Variants in FHIP1A observed in about 807,000 individuals in gnomAD.
The protein encoded by FHIP1A is FHF complex subunit HOOK-interacting protein 1A.
A neutral mutation model predicts 88.6 loss-of-function variants in FHIP1A; 61 were observed. The ratio of observed to expected loss-of-function variants is 0.69; its 90% confidence interval spans 0.56 to 0.85. The LOEUF (loss-of-function observed/expected upper bound fraction) is 0.85. FHIP1A is among the 40% of genes least tolerant of loss of function. The pLI, the probability that FHIP1A is intolerant of heterozygous loss-of-function variation, is 0.00. For synonymous variants in FHIP1A, 478 were observed against 496.0 expected (o/e 0.96, Z 0.48); for missense variants, 1,154 against 1,273.5 (o/e 0.91, Z 1.43).
chr4:151,669,319 A>T lies in FHIP1A; in HGVS notation c.*6565A>T, dbSNP rs1459156631. ...CCTGGACAAATCAAGTGCTTTAACA[A>T]GGGCATCTTCCTCTGGGAATAATCA... is the stretch of plus-strand genomic sequence containing the variant. On this transcript the variant is annotated 3_prime_UTR_variant, in exon 14 of 14. Coordinates refer to ENST00000435205, the MANE Select transcript of FHIP1A (RefSeq NM_001109977.3). 6.6e-6 allele frequency among the ~76,000 whole-genome samples: 1 copy of T among 152,244 alleles called. No individual in the cohort carries two copies. Among genetic ancestry groups the T allele is most frequent in the African/African-American group, 2.4e-5 (1 of 41,464 alleles).
chr4:151,512,349 G>A lies in FHIP1A; in HGVS notation c.-123+29701G>A, dbSNP rs557527401. Among the ~76,000 whole-genome samples the A allele has an allele frequency of 5.9e-4, 89 of 152,132 alleles. 1 individual carries two copies. The South Asian group carries it at 0.016, about 28-fold the overall frequency. On this transcript the variant is annotated intron_variant, in intron 3 of 13. Coordinates refer to ENST00000435205, the MANE Select transcript of FHIP1A (RefSeq NM_001109977.3). ...CACAAAGATGGGGAAAAAACAGAGC[G>A]GAAAAAACAGAGCAGAAAAAGTGGA...
intron 13 of FHIP1A, 130 bp from the exon 14 acceptor site, chr4:151,662,371 G>T: frequency 1.1e-6 from 1 of 951,138 alleles, no homozygotes. Flanking sequence ...TCAGGATTTA[G>T]TCCGTTATAG....
At chr4:151,488,279 G>A (rs1055185141) in intron 3 of FHIP1A, among the ~76,000 whole-genome samples, 3 of 152,150 alleles carry the variant, frequency 2.0e-5, no homozygotes, top group Non-Finnish European at 4.4e-5. Context: ...CACCTAGGTA[G>A]TGAGCATAGT....
At chr4:151,481,487 A>C (rs529573512) in intron 2 of FHIP1A, among the ~76,000 whole-genome samples, 1 of 151,958 alleles carries the variant, frequency 6.6e-6, no homozygotes, top group Non-Finnish European at 1.5e-5. Flanking sequence ...TTGGCATTTA[A>C]ATCGTTTCCA....
intron 3 of FHIP1A, among the ~76,000 whole-genome samples, chr4:151,487,852 T>G (rs1052347079): frequency 2.0e-5 from 3 of 152,266 alleles, no homozygotes; most frequent in Non-Finnish European, 4.4e-5. Context: ...TGTCTGGTTC[T>G]AGAGCATGTA....
intron 3 of FHIP1A, among the ~76,000 whole-genome samples, chr4:151,500,438 C>CA (rs34481805): frequency 0.16 from 16,934 of 106,488 alleles, 1,293 homozygotes; most frequent in African/African-American, 0.24. Context: ...CAGCCATTCT[C>CA]AAAAAAAAAA....
At chr4:151,604,586 C>G (rs1232240133) in intron 7 of FHIP1A, among the ~76,000 whole-genome samples, 1 of 152,124 alleles carries the variant, frequency 6.6e-6, no homozygotes, top group African/African-American at 2.4e-5. Context: ...TGGTGGCTCA[C>G]GCCTGTAATC....
At chr4:151,644,016 A>G (rs932570088) in intron 9 of FHIP1A, among the ~76,000 whole-genome samples, 3 of 152,266 alleles carry the variant, frequency 2.0e-5, no homozygotes, top group Admixed American at 6.5e-5. Context: ...AAGAATAAAA[A>G]TCTATGAATA....
At chr4:151,517,698 G>C (rs11726254) in intron 3 of FHIP1A, among the ~76,000 whole-genome samples, 78,924 of 151,870 alleles carry the variant, frequency 0.52, 20,816 homozygotes, top group African/African-American at 0.55. Flanking sequence ...CTGAAAAATT[G>C]CTACCTTCTA....
chr4:151,434,242 G>C (rs1733717075), intron 1 of FHIP1A, among the ~76,000 whole-genome samples: 1 of 152,010 alleles, frequency 6.6e-6, no homozygotes, highest in African/African-American at 2.4e-5. Flanking sequence ...GTAAGTCCTA[G>C]TTTTCTTTTT....
intron 7 of FHIP1A, among the ~76,000 whole-genome samples, chr4:151,603,825 G>A (rs138774220): frequency 1.6e-3 from 236 of 152,238 alleles, no homozygotes; most frequent in Admixed American, 9.0e-3. Flanking sequence ...TCTTGAGTCT[G>A]TTTTTTTGTT....
At chr4:151,448,086 ATT>A (rs1188588074) in intron 1 of FHIP1A, among the ~76,000 whole-genome samples, 1 of 143,852 alleles carries the variant, frequency 7.0e-6, no homozygotes. Context: ...TTTTTTTGGT[ATT>A]TTTTTTTTTT....
At chr4:151,460,501 T>A (rs1228093988) in intron 2 of FHIP1A, among the ~76,000 whole-genome samples, 1 of 152,190 alleles carries the variant, frequency 6.6e-6, no homozygotes, top group Admixed American at 6.5e-5. Flanking sequence ...CTTAATATTT[T>A]AAGTTTCATA....
chr4:151,662,904 C>T lies in FHIP1A; in HGVS notation c.*150C>T. 1 of 734,768 alleles carries T rather than the reference C, an allele frequency of 1.4e-6. No homozygotes were observed. The highest frequency in any genetic ancestry group is 2.1e-6 in the Non-Finnish European group (1 of 485,052). The allele number at this position is 734,768 out of a possible 1,614,324, so 45.5% of individuals were successfully genotyped here. ...GGGGAGGGGAATTTTCTGTATCTTTCCTCTCTCTCTCTAGCCGGGCCTTTC... is the reference window on the plus strand; with the variant it reads ...GGGGAGGGGAATTTTCTGTATCTTTTCTCTCTCTCTCTAGCCGGGCCTTTC... On this transcript the variant is annotated 3_prime_UTR_variant, in exon 14 of 14. Coordinates refer to ENST00000435205, the MANE Select transcript of FHIP1A (RefSeq NM_001109977.3).
rs57072592 is a variant in FHIP1A at position 151,549,489 on chromosome 4, TAAAA to T, written c.-122-16630_-122-16627del. 2.9e-3 allele frequency among the ~76,000 whole-genome samples: 327 copies of T among 112,690 alleles called. 1 individual carries two copies. The highest frequency in any genetic ancestry group is 8.7e-3 in the African/African-American group (255 of 29,270). 73.9% of individuals were successfully genotyped at this position (112,690 alleles called of 152,430 possible). On this transcript the variant is annotated intron_variant, in intron 3 of 13. Coordinates refer to ENST00000435205, the MANE Select transcript of FHIP1A (RefSeq NM_001109977.3). ...CTGGGCGAGAGAGTGAGACTCTGTCTAAAAAAAAAAAAAAAAAAAAAATAGTTAC... is the reference window on the plus strand; with the variant it reads ...CTGGGCGAGAGAGTGAGACTCTGTCTAAAAAAAAAAAAAAAAAATAGTTAC...
intron 13 of FHIP1A, among the ~76,000 whole-genome samples, chr4:151,661,415 T>C (rs897762963): frequency 6.6e-6 from 1 of 151,744 alleles, no homozygotes; most frequent in African/African-American, 2.4e-5. Flanking sequence ...GTTGTTTTTT[T>C]TTTTTTTTTT....
intron 6 of FHIP1A, among the ~76,000 whole-genome samples, chr4:151,587,349 T>C (rs1266077564): frequency 1.3e-5 from 2 of 152,300 alleles, no homozygotes; most frequent in South Asian, 4.1e-4. Context: ...TTGATTAGAT[T>C]TTTACCTTTA....
chr4:151,505,261 C>T (rs1443960086), intron 3 of FHIP1A, among the ~76,000 whole-genome samples: 1 of 152,124 alleles, frequency 6.6e-6, no homozygotes, highest in African/African-American at 2.4e-5. Context: ...TTAGCTAGGC[C>T]TGGGTCACAT....
chr4:151,523,832 C>A (rs1431654366), intron 3 of FHIP1A, among the ~76,000 whole-genome samples: 1 of 152,156 alleles, frequency 6.6e-6, no homozygotes, highest in Admixed American at 6.5e-5. Flanking sequence ...TTGTGAACAA[C>A]CAACACAAAA....
Sources: allele counts gnomAD v4.1 joint callset (sites outside exome capture counted in the v4.1 genomes callset), GRCh38; gene constraint gnomAD v4.1.1; transcripts MANE v1.5; gene names NCBI Gene and HGNC (gene_info 2026-07-23, HGNC 2026-07-21).